Variants in KLHL4 observed in about 807,000 individuals in gnomAD.
KLHL4 encodes kelch-like protein 4.
Under a neutral mutation model 45.8 loss-of-function variants are expected in KLHL4, and 17 were observed. The ratio of observed to expected loss-of-function variants is 0.37; its 90% CI spans 0.25 to 0.56. KLHL4 has a LOEUF of 0.56. Ranked by LOEUF, KLHL4 falls within the 20% of genes least tolerant of loss-of-function variation. The pLI, the probability that KLHL4 is intolerant of heterozygous loss-of-function variation, is 0.79. For missense variants in KLHL4, 544 were observed against 544.9 expected, an observed-to-expected ratio of 1.00 and a Z score of 0.02; for synonymous variants, 224 against 189.9, an observed-to-expected ratio of 1.18 and a Z score of -1.47.
At chrX:87,614,937 A>G (rs1390519130) in intron 3 of KLHL4, among the ~76,000 whole-genome samples, 2 of 111,371 alleles carry the variant, frequency 1.8e-5, no homozygotes, top group African/African-American at 6.5e-5. Context: ...GGATCTTCCA[A>G]TCCTACAGTA....
At chrX:87,518,604 T>C (rs1270106135) in intron 1 of KLHL4, among the ~76,000 whole-genome samples, 1 of 111,958 alleles carries the variant, frequency 8.9e-6, no homozygotes, top group Non-Finnish European at 1.9e-5. Context: ...ATTACTAATG[T>C]TCTATAAATA....
At chrX:87,611,894 A>G (rs902466162) in intron 1 of KLHL4, among the ~76,000 whole-genome samples, 2 of 110,977 alleles carry the variant, frequency 1.8e-5, no homozygotes, top group Non-Finnish European at 3.8e-5. Context: ...TTGACCTTGT[A>G]TAGGCCTAGG....
intron 4 of KLHL4, among the ~76,000 whole-genome samples, chrX:87,621,532 A>AC (rs1922750576): frequency 9.2e-6 from 1 of 108,797 alleles, no homozygotes. Flanking sequence ...CTAAAAAAAA[A>AC]AATACGAAAA....
At chrX:87,580,824 A>G (rs930125812) in intron 1 of KLHL4, among the ~76,000 whole-genome samples, 1 of 112,186 alleles carries the variant, frequency 8.9e-6, no homozygotes, top group Non-Finnish European at 1.9e-5. Flanking sequence ...TAAAAAGGAA[A>G]CAGACTTGCA....
At chrX:87,533,965 G>T (rs1470458049) in intron 1 of KLHL4, among the ~76,000 whole-genome samples, 1 of 111,427 alleles carries the variant, frequency 9.0e-6, no homozygotes, top group African/African-American at 3.3e-5. Flanking sequence ...TTTCAATTAG[G>T]AGTGATGATC....
At chrX:87,578,001 T>C (rs1921151646) in intron 1 of KLHL4, among the ~76,000 whole-genome samples, 1 of 111,610 alleles carries the variant, frequency 9.0e-6, no homozygotes. Context: ...ATCCTACAAA[T>C]ATATTCTTAC....
intron 9 of KLHL4, 114 bp from the exon 10 acceptor site, chrX:87,664,650 T>C (rs1391297762): frequency 2.0e-6 from 1 of 493,007 alleles, no homozygotes; most frequent in African/African-American, 2.4e-5. Context: ...TTGATATTTG[T>C]ATAGTGTTTT....
chrX:87,568,543 A>G (rs1233590466), intron 1 of KLHL4, among the ~76,000 whole-genome samples: 1 of 110,097 alleles, frequency 9.1e-6, no homozygotes, highest in Non-Finnish European at 1.9e-5. Flanking sequence ...GCATAAAGCT[A>G]CAGTAATCAA....
chrX:87,555,339 A>G (rs1169577238), intron 1 of KLHL4, among the ~76,000 whole-genome samples: 6 of 110,288 alleles, frequency 5.4e-5, no homozygotes, highest in African/African-American at 6.6e-5. Context: ...CTTTGAATCC[A>G]TCTGGTCCTG....
intron 1 of KLHL4, among the ~76,000 whole-genome samples, chrX:87,607,245 T>C (rs768388260): frequency 1.8e-5 from 2 of 111,175 alleles, no homozygotes; most frequent in Non-Finnish European, 3.8e-5. Context: ...CAATAACATG[T>C]TGCACCCTAG....
intron 1 of KLHL4, among the ~76,000 whole-genome samples, chrX:87,529,062 A>AG (rs920071266): frequency 2.1e-5 from 2 of 94,014 alleles, no homozygotes; most frequent in African/African-American, 7.8e-5. Context: ...AAGTGATAAA[A>AG]GGAAAAAAAA....
At chrX:87,621,338 G>A (rs780496502) in intron 4 of KLHL4, among the ~76,000 whole-genome samples, 5 of 110,465 alleles carry the variant, frequency 4.5e-5, no homozygotes, top group Non-Finnish European at 9.4e-5. Flanking sequence ...TGATCATTCT[G>A]TTGTCAAAGA....
At chrX:87,635,528 C>T in intron 8 of KLHL4, 35 bp from the exon 9 acceptor site, 1 of 1,056,781 alleles carries the variant, frequency 9.5e-7, no homozygotes, top group Non-Finnish European at 1.3e-6. Flanking sequence ...TATACACACA[C>T]ATATACATAC....
intron 1 of KLHL4, among the ~76,000 whole-genome samples, chrX:87,562,658 T>C (rs1361686459): frequency 4.5e-5 from 5 of 110,858 alleles, no homozygotes; most frequent in Non-Finnish European, 9.4e-5. Context: ...CCACGTGCCA[T>C]CTCTAGACAC....
chrX:87,534,621 G>T (rs985932501), intron 1 of KLHL4, among the ~76,000 whole-genome samples: 4 of 110,859 alleles, frequency 3.6e-5, no homozygotes, highest in African/African-American at 1.3e-4. Flanking sequence ...AACAGAAATG[G>T]AGGTCCTTCC....
At chrX:87,560,056 C>T (rs1373587580) in intron 1 of KLHL4, among the ~76,000 whole-genome samples, 1 of 111,492 alleles carries the variant, frequency 9.0e-6, no homozygotes, top group Non-Finnish European at 1.9e-5. Flanking sequence ...TCGTACGTAG[C>T]TAGTTGTTCC....
At position 87,669,122 on chromosome X, in the gene KLHL4, T is replaced by C; in HGVS notation, c.*2588T>C. ...ACTTATCAGGGCTAGTTTAAACAAA[T>C]GTGTATAGGAAAGGATGTTATTTAT... On this transcript the variant is annotated 3_prime_UTR_variant, in exon 11 of 11. Coordinates refer to ENST00000373119, the MANE Select transcript of KLHL4 (RefSeq NM_019117.5). 2 of 987,076 alleles carry C rather than the reference T, an allele frequency of 2.0e-6. No homozygotes were observed. The highest frequency in any genetic ancestry group is 2.5e-6 in the Non-Finnish European group (2 of 784,577). 81.3% of individuals were successfully genotyped at this position (987,076 alleles called of 1,213,427 possible). A position where few individuals can be genotyped will look rare whatever the true frequency, so the allele number is the denominator to read the frequency against.
intron 2 of KLHL4, 126 bp downstream of exon 2, chrX:87,614,170 G>C (rs1029501180): frequency 1.7e-6 from 1 of 582,517 alleles, no homozygotes; most frequent in African/African-American, 2.3e-5. Flanking sequence ...AAAAGTCTTC[G>C]CCTATATGAT....
intron 9 of KLHL4, among the ~76,000 whole-genome samples, chrX:87,653,086 G>A (rs766328753): frequency 3.3e-4 from 37 of 111,579 alleles, no homozygotes; most frequent in South Asian, 1.5e-3. Flanking sequence ...AAAAACTGCC[G>A]CCATGATTCA....
Sources: gnomAD v4.1 joint callset for allele counts (sites outside exome capture counted in the v4.1 genomes callset) on GRCh38, gnomAD v4.1.1 for gene constraint, MANE v1.5 for transcripts, NCBI Gene and HGNC (gene_info 2026-07-23, HGNC 2026-07-21) for gene names.